The following KCNAB1 variants were observed in gnomAD, a reference collection of about 807,000 sequenced individuals.
KCNAB1 encodes the protein voltage-gated potassium channel subunit beta-1.
A neutral mutation model predicts 64.6 loss-of-function variants in KCNAB1; 35 were observed. The ratio of observed to expected loss-of-function variants is 0.54; its 90% CI spans 0.41 to 0.72. The LOEUF (loss-of-function observed/expected upper bound fraction) is 0.72, where lower values mean the gene tolerates loss of function less well. Ranked by LOEUF, KCNAB1 falls within the 30% of genes least tolerant of loss-of-function variation. The pLI is 0.00. For missense variants in KCNAB1, 401 were observed against 512.9 expected (o/e 0.78, Z 2.11); for synonymous variants, 177 against 183.8 (o/e 0.96, Z 0.30).
intron 1 of KCNAB1, among the ~76,000 whole-genome samples, chr3:156,368,659 CTG>C (rs1398572689): frequency 8.5e-5 from 13 of 152,250 alleles, no homozygotes; most frequent in Non-Finnish European, 1.9e-4. Flanking sequence ...AACTCCAACT[CTG>C]ACATTTATTA....
chr3:156,172,282 C>CTTT lies in KCNAB1; in HGVS notation c.275+51408_275+51410dup, dbSNP rs55927447. On this transcript the variant is annotated intron_variant, in intron 1 of 13. Transcript: ENST00000490337. ...TTGCCTTTCTGCATAATTCAAATGG[C>CTTT]TTTTTTTTTTTTTTGGAGACAGAGT... Among the ~76,000 whole-genome samples, 1,263 of 143,666 alleles carry CTTT rather than the reference C, an allele frequency of 8.8e-3. 12 individuals carry two copies. Among genetic ancestry groups the CTTT allele is most frequent in the Admixed American group, 0.022 (314 of 14,450 alleles). 94.3% of individuals were successfully genotyped at this position (143,666 alleles called of 152,430 possible).
intron 1 of KCNAB1, among the ~76,000 whole-genome samples, chr3:156,400,606 A>C (rs1408411915): frequency 6.6e-6 from 1 of 152,136 alleles, no homozygotes; most frequent in African/African-American, 2.4e-5. Context: ...GTTCTAATAG[A>C]TTTTTCTAGC....
chr3:156,437,432 C>T (rs1421476349), intron 2 of KCNAB1, among the ~76,000 whole-genome samples: 1 of 152,084 alleles, frequency 6.6e-6, no homozygotes, highest in Non-Finnish European at 1.5e-5. Context: ...AGATTTAGTA[C>T]CCCATCTCAG....
chr3:156,380,818 C>T (rs183732345), intron 1 of KCNAB1, among the ~76,000 whole-genome samples: 2 of 152,150 alleles, frequency 1.3e-5, no homozygotes, highest in Non-Finnish European at 2.9e-5. Context: ...CAAAATAGAT[C>T]TGGTCCCTGA....
chr3:156,221,420 C>T (rs35186736), intron 1 of KCNAB1, among the ~76,000 whole-genome samples: 1 of 152,154 alleles, frequency 6.6e-6, no homozygotes, highest in South Asian at 2.1e-4. Context: ...GATTTCTCAG[C>T]AGAAACCATA....
At chr3:156,493,078 T>C (rs762201843) in intron 8 of KCNAB1, among the ~76,000 whole-genome samples, 19 of 152,160 alleles carry the variant, frequency 1.2e-4, no homozygotes, top group Admixed American at 2.6e-4. Context: ...GTATTAAATA[T>C]GGCTGTGTCT....
chr3:156,430,563 T>C (rs1224393847), intron 2 of KCNAB1, among the ~76,000 whole-genome samples: 1 of 152,178 alleles, frequency 6.6e-6, no homozygotes, highest in Non-Finnish European at 1.5e-5. Flanking sequence ...GATGGAGAAT[T>C]AGTCCTTGCA....
At chr3:156,294,812 A>G (rs1337572006) in intron 1 of KCNAB1, among the ~76,000 whole-genome samples, 1 of 152,196 alleles carries the variant, frequency 6.6e-6, no homozygotes, top group Non-Finnish European at 1.5e-5. Flanking sequence ...GATTTTTTAA[A>G]AAGTCTTTTT....
At chr3:156,477,752 C>CA (rs1714475747) in intron 8 of KCNAB1, among the ~76,000 whole-genome samples, 1 of 151,918 alleles carries the variant, frequency 6.6e-6, no homozygotes, top group South Asian at 2.1e-4. Flanking sequence ...TTTACTGTAC[C>CA]GGGGGAAGGT....
intron 1 of KCNAB1, among the ~76,000 whole-genome samples, chr3:156,396,915 A>G (rs1713505160): frequency 1.3e-5 from 2 of 152,224 alleles, no homozygotes; most frequent in African/African-American, 4.8e-5. Context: ...TAATTAGGAC[A>G]GGCGATGTAA....
chr3:156,417,447 G>A (rs373197008), intron 1 of KCNAB1, among the ~76,000 whole-genome samples: 5 of 152,160 alleles, frequency 3.3e-5, no homozygotes, highest in East Asian at 1.9e-4. Context: ...CCTTTAAATC[G>A]GGGATTTTGC....
chr3:156,526,762 G>C (rs1718335588), intron 12 of KCNAB1, among the ~76,000 whole-genome samples: 1 of 151,950 alleles, frequency 6.6e-6, no homozygotes, highest in African/African-American at 2.4e-5. Context: ...TGCTAGTGGA[G>C]GATTTTCTAT....
intron 13 of KCNAB1, among the ~76,000 whole-genome samples, chr3:156,531,941 G>T (rs1053809298): frequency 6.6e-6 from 1 of 152,122 alleles, no homozygotes; most frequent in South Asian, 2.1e-4. Flanking sequence ...TTATGATAAT[G>T]TAGTATAACT....
intron 1 of KCNAB1, among the ~76,000 whole-genome samples, chr3:156,308,745 G>A (rs567857384): frequency 6.6e-6 from 1 of 152,308 alleles, no homozygotes; most frequent in East Asian, 1.9e-4. Context: ...GGAAGGCTTT[G>A]CACAGCACTG....
At chr3:156,336,129 G>A (rs1723693008) in intron 1 of KCNAB1, among the ~76,000 whole-genome samples, 1 of 152,156 alleles carries the variant, frequency 6.6e-6, no homozygotes, top group Admixed American at 6.5e-5. Context: ...GAGGGCTGAG[G>A]TGGGCGGATC....
At chr3:156,255,888 C>T (rs1174018565) in intron 1 of KCNAB1, among the ~76,000 whole-genome samples, 1 of 152,172 alleles carries the variant, frequency 6.6e-6, no homozygotes, top group Non-Finnish European at 1.5e-5. Flanking sequence ...TTATGTCTGT[C>T]TTTCTCATGT....
Position 156,508,731 on chromosome 3 carries a change from A to G in KCNAB1, c.659-5633A>G, listed in dbSNP as rs1466202398. 2.0e-5 allele frequency among the ~76,000 whole-genome samples: 3 copies of G among 152,166 alleles called. No homozygotes were observed. Among genetic ancestry groups the G allele is most frequent in the Non-Finnish European group, 4.4e-5 (3 of 68,044 alleles). ...ATCCATATCATTTCTCACTTTACAG[A>G]AGGAAATTGAGTACTCAGGGAAACA... On this transcript the variant is annotated intron_variant, in intron 8 of 13. Transcript: ENST00000490337. The surrounding 1 kb of genome is among the most constrained non-coding windows in gnomAD (Gnocchi z 4.1).
chr3:156,127,324 T>C (rs903594167), intron 1 of KCNAB1, among the ~76,000 whole-genome samples: 40 of 152,360 alleles, frequency 2.6e-4, no homozygotes, highest in African/African-American at 9.4e-4. Context: ...TTCTAAAATA[T>C]GATATCTATT....
intron 1 of KCNAB1, among the ~76,000 whole-genome samples, chr3:156,194,908 G>A (rs551815537): frequency 1.4e-4 from 22 of 152,160 alleles, no homozygotes; most frequent in East Asian, 5.8e-4. Flanking sequence ...GATGCATTAC[G>A]TATTTGTCCT....
Sources: gnomAD v4.1 joint callset for allele counts (sites outside exome capture counted in the v4.1 genomes callset) on GRCh38, gnomAD v4.1.1 for gene constraint, Gnocchi (gnomAD v3.1) non-coding constraint, MANE v1.5 for transcripts, NCBI Gene and HGNC (gene_info 2026-07-23, HGNC 2026-07-21) for gene names.